The following MAGI2 variants were observed in gnomAD, a reference collection of about 807,000 sequenced individuals.
The protein encoded by MAGI2 is membrane-associated guanylate kinase, WW and PDZ domain-containing protein 2.
Under a neutral mutation model 133.3 loss-of-function variants are expected in MAGI2, and 35 were observed. The ratio of observed to expected loss-of-function variants is 0.26; its 90% CI spans 0.20 to 0.35. The LOEUF (loss-of-function observed/expected upper bound fraction) is 0.35. Among genes scored for constraint, MAGI2 ranks in the 10% least tolerant of loss-of-function variants. The pLI is 1.00. For missense variants in MAGI2, 1,636 were observed against 1,863.4 expected, an observed-to-expected ratio of 0.88 and a Z score of 2.25; for synonymous variants, 729 against 710.6, an observed-to-expected ratio of 1.03 and a Z score of -0.41.
chr7:78,578,033 CA>C (rs557622518), intron 3 of MAGI2, among the ~76,000 whole-genome samples: 1,953 of 121,698 alleles, frequency 0.016, 26 homozygotes, highest in African/African-American at 0.043. Flanking sequence ...TGAAAAAGAC[CA>C]AAAAAAAAAA....
At chr7:79,175,331 A>T (rs965045988) in intron 1 of MAGI2, among the ~76,000 whole-genome samples, 4 of 151,930 alleles carry the variant, frequency 2.6e-5, no homozygotes, top group Non-Finnish European at 2.9e-5. Flanking sequence ...TAATGAGTAC[A>T]TATTTCTTTT....
chr7:79,217,626 C>T (rs1040926824), intron 1 of MAGI2, among the ~76,000 whole-genome samples: 1 of 151,936 alleles, frequency 6.6e-6, no homozygotes, highest in Non-Finnish European at 1.5e-5. Context: ...TAGTTCTGGA[C>T]TCTAAACTCA....
intron 2 of MAGI2, among the ~76,000 whole-genome samples, chr7:78,899,773 G>A (rs1276515351): frequency 3.9e-5 from 6 of 152,096 alleles, no homozygotes; most frequent in Non-Finnish European, 8.8e-5. Context: ...AGTCTGTGTT[G>A]AGAACTACTG....
chr7:78,521,301 A>C (rs1223554684), intron 4 of MAGI2, 129 bp downstream of exon 4: 1 of 543,440 alleles, frequency 1.8e-6, no homozygotes, highest in Non-Finnish European at 3.2e-6. Flanking sequence ...CACAGATGTA[A>C]GAAATATATA....
chr7:78,746,710 A>G (rs1467262680), intron 2 of MAGI2, among the ~76,000 whole-genome samples: 1 of 152,188 alleles, frequency 6.6e-6, no homozygotes, highest in Non-Finnish European at 1.5e-5. Context: ...TTTAAAGCAC[A>G]TTGTTCCAAA....
At chr7:79,001,397 T>G (rs1223317538) in intron 2 of MAGI2, among the ~76,000 whole-genome samples, 1 of 152,222 alleles carries the variant, frequency 6.6e-6, no homozygotes, top group African/African-American at 2.4e-5. Flanking sequence ...CACCTTCCTT[T>G]TCATTTTGAA....
intron 1 of MAGI2, among the ~76,000 whole-genome samples, chr7:79,020,243 G>T (rs1035690751): frequency 6.6e-6 from 1 of 152,134 alleles, no homozygotes; most frequent in Admixed American, 6.6e-5. Context: ...ATGATTTAGG[G>T]TATCTGGTGG....
At chr7:78,244,324 A>G (rs1255743905) in intron 10 of MAGI2, among the ~76,000 whole-genome samples, 1 of 152,090 alleles carries the variant, frequency 6.6e-6, no homozygotes, top group African/African-American at 2.4e-5. Flanking sequence ...TTGTAGGATA[A>G]CATGCATTGT....
Position 79,029,206 on chromosome 7 carries a change from G to A in MAGI2, c.302-22000C>T, listed in dbSNP as rs73703751. Among the ~76,000 whole-genome samples, 692 of 152,080 alleles carry A rather than the reference G, an allele frequency of 4.6e-3. 7 individuals carry two copies. The highest frequency in any genetic ancestry group is 0.016 in the African/African-American group (651 of 41,500). ...AGCTTTTAGTGAGTAATACTTTCAA[G>A]GATAATATCTAATTGCTGACTCCGA... On this transcript the variant is annotated intron_variant, in intron 1 of 21. Transcript: ENST00000354212.
chr7:78,684,708 T>C (rs1483422881), intron 2 of MAGI2, among the ~76,000 whole-genome samples: 1 of 151,874 alleles, frequency 6.6e-6, no homozygotes, highest in Non-Finnish European at 1.5e-5. Context: ...AGAGTCAACT[T>C]TTCAGGTGCT....
At chr7:78,672,436 T>A (rs989291351) in intron 2 of MAGI2, among the ~76,000 whole-genome samples, 11 of 152,130 alleles carry the variant, frequency 7.2e-5, no homozygotes, top group East Asian at 3.9e-4. Flanking sequence ...CTTTATAAAT[T>A]AGCCAGTTTC....
chr7:79,086,871 T>C (rs1159828155), intron 1 of MAGI2, among the ~76,000 whole-genome samples: 2 of 151,834 alleles, frequency 1.3e-5, no homozygotes, highest in Admixed American at 6.6e-5. Context: ...AGGGGAAGGG[T>C]GTGGGAATTT....
intron 21 of MAGI2, among the ~76,000 whole-genome samples, chr7:78,057,975 G>GTGTA (rs1812771488): frequency 1.2e-5 from 1 of 86,556 alleles, no homozygotes; most frequent in African/African-American, 5.4e-5. Flanking sequence ...TTATATATAT[G>GTGTA]TGTATATATA....
intron 16 of MAGI2, among the ~76,000 whole-genome samples, chr7:78,140,467 G>C (rs1450849808): frequency 2.6e-5 from 4 of 152,170 alleles, no homozygotes; most frequent in Non-Finnish European, 5.9e-5. Context: ...CTTACAAGAG[G>C]GAAGTTCCTG....
intron 1 of MAGI2, among the ~76,000 whole-genome samples, chr7:79,416,731 C>CTTTTTTTTTTTTTTTTTTTTTTTT (rs1360457770): frequency 7.7e-6 from 1 of 129,330 alleles, no homozygotes; most frequent in Non-Finnish European, 1.6e-5. Context: ...TTTTCTTTTT[C>CTTTTTTTTTTTTTTTTTTTTTTTT]TTTTTTTTTT....
chr7:78,545,400 A>G (rs1429401769), intron 3 of MAGI2, among the ~76,000 whole-genome samples: 1 of 151,954 alleles, frequency 6.6e-6, no homozygotes, highest in African/African-American at 2.4e-5. Context: ...TTTAGCAGAG[A>G]AGGGGATTCG....
At chr7:79,229,216 A>C (rs954196805) in intron 1 of MAGI2, among the ~76,000 whole-genome samples, 3 of 152,116 alleles carry the variant, frequency 2.0e-5, no homozygotes, top group Non-Finnish European at 4.4e-5. Flanking sequence ...TTCTTCAGAA[A>C]TCTCTCTGCT....
intron 3 of MAGI2, among the ~76,000 whole-genome samples, chr7:78,558,071 C>T (rs1800013061): frequency 6.6e-6 from 1 of 151,870 alleles, no homozygotes; most frequent in Non-Finnish European, 1.5e-5. Flanking sequence ...TTGATTTTCT[C>T]CTCTAAGATC....
chr7:78,848,814 T>A (rs1028411109), intron 2 of MAGI2, among the ~76,000 whole-genome samples: 1 of 152,030 alleles, frequency 6.6e-6, no homozygotes, highest in South Asian at 2.1e-4. Context: ...ACCTATGTAA[T>A]GTCATCATCC....
Sources: gnomAD v4.1 joint callset for allele counts (sites outside exome capture counted in the v4.1 genomes callset) on GRCh38, gnomAD v4.1.1 for gene constraint, MANE v1.5 for transcripts, NCBI Gene and HGNC (gene_info 2026-07-23, HGNC 2026-07-21) for gene names.